The following FBXL17 variants were observed in gnomAD, a reference collection of about 807,000 sequenced individuals.
The protein encoded by FBXL17 is F-box/LRR-repeat protein 17.
Under a neutral mutation model 66.2 loss-of-function variants are expected in FBXL17, and 22 were observed. The ratio of observed to expected loss-of-function variants is 0.33; its 90% CI spans 0.24 to 0.47. The LOEUF (loss-of-function observed/expected upper bound fraction) is 0.47, where lower values mean the gene tolerates loss of function less well. FBXL17 is among the 20% of genes least tolerant of loss of function. The pLI is 1.00. For synonymous variants in FBXL17, 474 were observed against 400.5 expected, an observed-to-expected ratio of 1.18 and a Z score of -2.19; for missense variants, 878 against 948.2, an observed-to-expected ratio of 0.93 and a Z score of 0.97.
At chr5:108,191,770 C>G in intron 5 of FBXL17, among the ~76,000 whole-genome samples, 1 of 152,206 alleles carries the variant, frequency 6.6e-6, no homozygotes. Flanking sequence ...CTCTTACTGC[C>G]TGTATGTACT....
Position 108,381,595 on chromosome 5 carries a change from G to A in FBXL17, c.97C>T (p.Leu33=). 3 of 1,473,134 alleles carry A rather than the reference G, an allele frequency of 2.0e-6. No homozygotes were observed. The highest frequency in any genetic ancestry group is 2.4e-5 in the Admixed American group (1 of 41,398). 91.3% of individuals were successfully genotyped at this position (1,473,134 alleles called of 1,614,324 possible). Reference sequence around the variant, plus strand: ...ACCTTGGCTGGGGTCCGGCGGGGCAGCCTGAGGAGAGGGCGCCGGCGGCGG... The same window carrying A: ...ACCTTGGCTGGGGTCCGGCGGGGCAACCTGAGGAGAGGGCGCCGGCGGCGG... ...WCRRRRPLLR[L]PRRTPAKVPP... The change falls in exon 1 of 9, where the codon CTG becomes TTG. Residue 33 remains leucine, a synonymous_variant. Coordinates refer to ENST00000542267, the MANE Select transcript of FBXL17 (RefSeq NM_001163315.3).
At chr5:108,090,038 A>T (rs1030198214) in intron 6 of FBXL17, among the ~76,000 whole-genome samples, 1 of 152,082 alleles carries the variant, frequency 6.6e-6, no homozygotes, top group East Asian at 1.9e-4. Flanking sequence ...ATGTTGATCA[A>T]GGCTGGTCTT....
chr5:108,291,755 T>C (rs983603446), intron 4 of FBXL17, among the ~76,000 whole-genome samples: 7 of 151,690 alleles, frequency 4.6e-5, no homozygotes, highest in African/African-American at 1.5e-4. Flanking sequence ...TTCCCAAAAC[T>C]ATGTCCTCTT....
At chr5:108,009,261 T>TTATATATC in intron 7 of FBXL17, among the ~76,000 whole-genome samples, 1 of 20,870 alleles carries the variant, frequency 4.8e-5, no homozygotes, top group Non-Finnish European at 8.6e-5. Flanking sequence ...GTTCCCTGTT[T>TTATATATC]TATATATATA....
chr5:108,237,376 T>C (rs989131433), intron 4 of FBXL17, among the ~76,000 whole-genome samples: 2 of 152,204 alleles, frequency 1.3e-5, no homozygotes, highest in African/African-American at 4.8e-5. Context: ...TCTCTGGGAA[T>C]ATTTTAATCT....
At position 108,253,354 on chromosome 5, in the gene FBXL17, A is replaced by G. The variant is rs7721128; in HGVS notation, c.1507-29126T>C. ...TTTGAATACTGTCTCCAAATGATTC[A>G]TACCTGCTAAATGTATTATTTTTAA... On this transcript the variant is annotated intron_variant, in intron 4 of 8. Transcript: ENST00000542267. Among the ~76,000 whole-genome samples, 1,383 of 152,262 alleles carry G rather than the reference A, an allele frequency of 9.1e-3. 22 individuals are homozygous for G. Among genetic ancestry groups the G allele is most frequent in the African/African-American group, 0.03 (1,252 of 41,532 alleles).
At chr5:107,935,425 G>GTGTGTGTGTA (rs1554050129) in intron 7 of FBXL17, among the ~76,000 whole-genome samples, 1 of 151,754 alleles carries the variant, frequency 6.6e-6, no homozygotes, top group Non-Finnish European at 1.5e-5. Context: ...GTGTGTGTGT[G>GTGTGTGTGTA]TGTGTATGTG....
At chr5:108,209,558 T>A (rs1362540915) in intron 5 of FBXL17, among the ~76,000 whole-genome samples, 4 of 152,198 alleles carry the variant, frequency 2.6e-5, no homozygotes, top group Admixed American at 6.5e-5. Flanking sequence ...TCTGCATCTA[T>A]TGAGATAATC....
intron 7 of FBXL17, among the ~76,000 whole-genome samples, chr5:107,892,877 T>C (rs1383995599): frequency 6.6e-6 from 1 of 152,194 alleles, no homozygotes; most frequent in African/African-American, 2.4e-5. Context: ...AACATGAAAT[T>C]CAAAACATTT....
rs1194846472 is a variant in FBXL17 at position 108,020,963 on chromosome 5, T to G, written c.1784A>C (p.Lys595Thr). ...TTTACAGGACACCAAATATAGCTCT[T>G]TCAGGTTTTGTCCTTCCTTTGCAAT... is the stretch of plus-strand genomic sequence containing the variant. ...EVIAKEGQNL[K>T]ELYLVSCKIT... Residue 595 changes from lysine (K) to threonine (T), a missense_variant, in exon 7 of 9, where the codon AAA becomes ACA. Around this residue, in one of 4 missense-constraint regions of FBXL17, gnomAD observed 236 missense variants for 389.1 expected, o/e 0.61. Coordinates refer to ENST00000542267, the MANE Select transcript of FBXL17 (RefSeq NM_001163315.3). 6.2e-7 allele frequency: 1 copy of G among 1,610,830 alleles called. No homozygotes were observed. The highest frequency in any genetic ancestry group is 8.5e-7 in the Non-Finnish European group (1 of 1,177,730).
chr5:108,204,622 T>C (rs1324299867), intron 5 of FBXL17, among the ~76,000 whole-genome samples: 1 of 152,200 alleles, frequency 6.6e-6, no homozygotes, highest in Non-Finnish European at 1.5e-5. Context: ...CATGTAAAAA[T>C]AACTTGCCAT....
At chr5:108,380,678 G>C in intron 1 of FBXL17, 21 bp downstream of exon 1, 1 of 1,247,130 alleles carries the variant, frequency 8.0e-7, no homozygotes, top group Non-Finnish European at 1.0e-6. Context: ...GAGCATCCCT[G>C]CGCCTCTCGC....
chr5:108,254,515 T>C (rs755399931), intron 4 of FBXL17, among the ~76,000 whole-genome samples: 29 of 152,306 alleles, frequency 1.9e-4, no homozygotes, highest in Non-Finnish European at 3.4e-4. Context: ...ATCAGGATAT[T>C]CTGTAGGCAT....
At chr5:107,883,151 C>G (rs1327709423) in intron 7 of FBXL17, among the ~76,000 whole-genome samples, 1 of 152,182 alleles carries the variant, frequency 6.6e-6, no homozygotes, top group African/African-American at 2.4e-5. Flanking sequence ...ATGTGCCAGG[C>G]CCTTGGCTAA....
intron 5 of FBXL17, among the ~76,000 whole-genome samples, chr5:108,193,541 G>T (rs1753556774): frequency 6.6e-6 from 1 of 152,162 alleles, no homozygotes. Flanking sequence ...AGAAGGACTT[G>T]GTTGGACAAG....
intron 7 of FBXL17, among the ~76,000 whole-genome samples, chr5:107,933,809 T>C (rs2112578894): frequency 6.6e-6 from 1 of 152,254 alleles, no homozygotes; most frequent in South Asian, 2.1e-4. Context: ...ACTTTGACCA[T>C]TACATTTCTT....
chr5:108,377,786 G>A (rs1357227603), intron 1 of FBXL17, among the ~76,000 whole-genome samples: 1 of 152,160 alleles, frequency 6.6e-6, no homozygotes, highest in Non-Finnish European at 1.5e-5. Context: ...TTATAAATGA[G>A]AAAATAAAAA....
At chr5:108,245,019 A>G (rs1756030134) in intron 4 of FBXL17, among the ~76,000 whole-genome samples, 1 of 152,196 alleles carries the variant, frequency 6.6e-6, no homozygotes, top group Non-Finnish European at 1.5e-5. Flanking sequence ...AAGATATAAA[A>G]TCTTGAGTAA....
chr5:108,128,122 T>C (rs1467592912), intron 6 of FBXL17, among the ~76,000 whole-genome samples: 1 of 152,004 alleles, frequency 6.6e-6, no homozygotes, highest in Non-Finnish European at 1.5e-5. Flanking sequence ...GGTGCATGCC[T>C]ATAATCCTAG....
Sources: allele counts gnomAD v4.1 joint callset (sites outside exome capture counted in the v4.1 genomes callset), GRCh38; gene constraint gnomAD v4.1.1; regional missense constraint gnomAD v4.1.1; transcripts MANE v1.5; gene names NCBI Gene and HGNC (gene_info 2026-07-23, HGNC 2026-07-21).